The following GRIK2 variants were observed in gnomAD, a reference collection of about 807,000 sequenced individuals.
GRIK2 encodes the protein glutamate receptor ionotropic, kainate 2.
GRIK2 carries 32 observed loss-of-function variants against 100.3 expected under a neutral mutation model. The ratio of observed to expected loss-of-function variants is 0.32; its 90% confidence interval spans 0.24 to 0.43. The LOEUF is 0.43. GRIK2 is among the 20% of genes least tolerant of loss of function. The probability of loss-of-function intolerance (pLI) is 1.00; values close to 1 mark genes in which losing one functional copy is unlikely to be tolerated. For missense variants in GRIK2, 843 were observed against 1,114.9 expected (o/e 0.76, Z 3.47); for synonymous variants, 417 against 389.4 (o/e 1.07, Z -0.83).
chr6:101,398,027 A>T (rs1005376427), intron 1 of GRIK2, among the ~76,000 whole-genome samples: 2 of 151,898 alleles, frequency 1.3e-5, no homozygotes, highest in African/African-American at 2.4e-5. Flanking sequence ...TCTTGAATAA[A>T]CTCCTAACGA....
intron 7 of GRIK2, among the ~76,000 whole-genome samples, chr6:101,710,373 G>C (rs1358109547): frequency 6.6e-6 from 1 of 151,750 alleles, no homozygotes; most frequent in East Asian, 1.9e-4. Flanking sequence ...CAGTCAAATG[G>C]GCTTTGAAGT....
rs1554283801 is a variant in GRIK2, at chr6:101,906,366, C to CTCTGTGTGTGTGTGTGTG, written c.1748+16504_1748+16505insCTGTGTGTGTGTGTGTGT. ...TTGAATCATAACTATAAAACAAGAT[C>CTCTGTGTGTGTGTGTGTG]TGTGTGTGTGTGTGTGTGTTTGTGT... is the stretch of plus-strand genomic sequence containing the variant. On this transcript the variant is annotated intron_variant, in intron 12 of 16. Transcript: ENST00000369134. Among the ~76,000 whole-genome samples, 6 of 145,928 alleles carry CTCTGTGTGTGTGTGTGTG rather than the reference C, an allele frequency of 4.1e-5. No homozygotes were observed. The East Asian group carries it at 8.2e-4, about 20-fold the overall frequency.
chr6:101,813,029 TA>T (rs137930620), intron 9 of GRIK2, among the ~76,000 whole-genome samples: 9,850 of 152,084 alleles, frequency 0.065, 337 homozygotes, highest in African/African-American at 0.09. Context: ...ATATACATGA[TA>T]TACACATCCG....
At chr6:101,626,292 A>G (rs982187187) in intron 3 of GRIK2, 88 bp from the exon 4 acceptor site, 23 of 1,139,520 alleles carry the variant, frequency 2.0e-5, no homozygotes, top group Non-Finnish European at 2.8e-5. Flanking sequence ...TGAGAATGAT[A>G]CCTTTGGGTT....
At chr6:101,398,830 A>T (rs923424211) in intron 1 of GRIK2, 155 bp from the exon 2 acceptor site, 16 of 392,278 alleles carry the variant, frequency 4.1e-5, no homozygotes, top group African/African-American at 3.1e-4. Flanking sequence ...TCTTGGCTTC[A>T]CGTCAGAAGC....
intron 7 of GRIK2, among the ~76,000 whole-genome samples, chr6:101,757,129 T>A (rs1317010334): frequency 1.3e-5 from 2 of 152,124 alleles, no homozygotes; most frequent in African/African-American, 4.8e-5. Context: ...TGCCCTCTCA[T>A]TGATATTATA....
intron 2 of GRIK2, among the ~76,000 whole-genome samples, chr6:101,572,215 TTA>T (rs1777573166): frequency 6.6e-6 from 1 of 152,142 alleles, no homozygotes; most frequent in Non-Finnish European, 1.5e-5. Context: ...AGCAAACAAA[TTA>T]TCACAATATT....
At chr6:101,776,343 C>A (rs951759765) in intron 7 of GRIK2, among the ~76,000 whole-genome samples, 1 of 151,880 alleles carries the variant, frequency 6.6e-6, no homozygotes, top group Non-Finnish European at 1.5e-5. Context: ...AGCAAGCACA[C>A]AACATTATAA....
At chr6:101,583,324 C>T (rs1413315174) in intron 2 of GRIK2, among the ~76,000 whole-genome samples, 1 of 152,080 alleles carries the variant, frequency 6.6e-6, no homozygotes, top group Non-Finnish European at 1.5e-5. Flanking sequence ...CAGGAAGATG[C>T]ACCAACTCCA....
At chr6:101,802,553 AAAAT>A (rs1780741983) in intron 9 of GRIK2, 115 bp downstream of exon 9, 3 of 431,132 alleles carry the variant, frequency 7.0e-6, no homozygotes, top group South Asian at 1.6e-4. Context: ...AGTAACTCTA[AAAAT>A]AAATAGTTAA....
intron 2 of GRIK2, among the ~76,000 whole-genome samples, chr6:101,454,603 C>T (rs1257766949): frequency 6.6e-6 from 1 of 152,118 alleles, no homozygotes; most frequent in African/African-American, 2.4e-5. Flanking sequence ...ACTGCTTGTC[C>T]TATACTGAGA....
intron 7 of GRIK2, among the ~76,000 whole-genome samples, chr6:101,732,656 G>T (rs1349672995): frequency 2.0e-5 from 3 of 152,040 alleles, no homozygotes; most frequent in Admixed American, 2.0e-4. Context: ...GTTTATTTTT[G>T]CATTTTGGAA....
At chr6:101,814,675 T>G (rs1199929716) in intron 9 of GRIK2, among the ~76,000 whole-genome samples, 1 of 152,140 alleles carries the variant, frequency 6.6e-6, no homozygotes, top group Non-Finnish European at 1.5e-5. Context: ...TTATCTGTGC[T>G]CAGTCATTCT....
chr6:102,035,477 C>T lies in GRIK2; in HGVS notation c.2222C>T (p.Thr741Ile). ...SDYAFLMEST[T>I]IEFVTQRNCN... The stretch of plus-strand genomic sequence containing the variant: ...TATGCTTTCCTAATGGAGTCAACAA[C>T]CATCGAGTTTGTTACCCAGCGGAAC... Residue 741 changes from threonine (T) to isoleucine (I), a missense_variant, in exon 15 of 17, where the codon ACC becomes ATC. This residue lies in a region of GRIK2 where 237 missense variants were observed against 388.0 expected (regional missense o/e 0.61). Transcript: ENST00000369134. 1.2e-6 allele frequency: 2 copies of T among 1,608,848 alleles called. No individual in the cohort carries two copies. The highest frequency in any genetic ancestry group is 1.7e-6 in the Non-Finnish European group (2 of 1,176,140).
intron 11 of GRIK2, among the ~76,000 whole-genome samples, chr6:101,861,925 T>C (rs1784756871): frequency 6.6e-6 from 1 of 152,140 alleles, no homozygotes; most frequent in African/African-American, 2.4e-5. Flanking sequence ...GAAGCTTATA[T>C]TACTATCTTG....
chr6:101,717,519 T>C (rs1051005097), intron 7 of GRIK2, among the ~76,000 whole-genome samples: 4 of 151,806 alleles, frequency 2.6e-5, no homozygotes, highest in Non-Finnish European at 4.4e-5. Flanking sequence ...GTTACAAGAA[T>C]TTTCCTTAGG....
intron 2 of GRIK2, among the ~76,000 whole-genome samples, chr6:101,532,850 GA>G (rs137884461): frequency 0.15 from 21,983 of 151,470 alleles, 1,790 homozygotes; most frequent in Admixed American, 0.19. Context: ...AGACAACAAA[GA>G]ATTAAGATGA....
At chr6:101,602,886 A>C (rs1264592656) in intron 2 of GRIK2, among the ~76,000 whole-genome samples, 1 of 151,736 alleles carries the variant, frequency 6.6e-6, no homozygotes, top group African/African-American at 2.4e-5. Context: ...AGTGATTTGC[A>C]TCATATTAGT....
chr6:101,509,096 T>C (rs373114249), intron 2 of GRIK2, among the ~76,000 whole-genome samples: 1 of 146,840 alleles, frequency 6.8e-6, no homozygotes. Flanking sequence ...AGGCGGAGCT[T>C]GCAGTGAGCC....
Sources: gnomAD v4.1 joint callset for allele counts (sites outside exome capture counted in the v4.1 genomes callset) on GRCh38, gnomAD v4.1.1 for gene constraint, gnomAD v4.1.1 regional missense constraint, MANE v1.5 for transcripts, NCBI Gene and HGNC (gene_info 2026-07-23, HGNC 2026-07-21) for gene names.